Variants in VGLL4 observed in about 807,000 individuals in gnomAD.
The protein encoded by VGLL4 is transcription cofactor vestigial-like protein 4.
Under a neutral mutation model 21.0 loss-of-function variants are expected in VGLL4, and 7 were observed. The observed-to-expected ratio is 0.33, with a 90% CI of 0.19 to 0.63. VGLL4 has a LOEUF of 0.63. Among genes scored for constraint, VGLL4 ranks in the 20% least tolerant of loss-of-function variants. The probability of loss-of-function intolerance (pLI) is 0.78; values close to 1 mark genes in which losing one functional copy is unlikely to be tolerated. For missense variants in VGLL4, 394 were observed against 425.7 expected (o/e 0.93, Z 0.66); for synonymous variants, 222 against 173.2 (o/e 1.28, Z -2.21).
At chr3:11,610,604 C>G (rs564002520) in intron 1 of VGLL4, 2 of 152,386 alleles carry the variant, frequency 1.3e-5, no homozygotes, top group African/African-American at 4.8e-5. Flanking sequence ...GGGTCCACAC[C>G]CTGGACTGGG....
chr3:11,621,010 T>C (rs1188204235), intron 1 of VGLL4, among the ~76,000 whole-genome samples: 1 of 152,228 alleles, frequency 6.6e-6, no homozygotes, highest in African/African-American at 2.4e-5. Flanking sequence ...AGGTGTTCTC[T>C]GAATGACCGA....
chr3:11,634,251 T>C (rs2075542577), intron 1 of VGLL4, among the ~76,000 whole-genome samples: 1 of 152,196 alleles, frequency 6.6e-6, no homozygotes, highest in Non-Finnish European at 1.5e-5. Context: ...TTCCTGTCTC[T>C]GCAGATGGCA....
chr3:11,577,382 A>G (rs917383423), intron 2 of VGLL4, among the ~76,000 whole-genome samples: 3 of 152,178 alleles, frequency 2.0e-5, no homozygotes, highest in Non-Finnish European at 4.4e-5. Flanking sequence ...AGATCACTTG[A>G]GGCCAGGAGT....
intron 2 of VGLL4, among the ~76,000 whole-genome samples, chr3:11,688,337 C>G (rs2125389291): frequency 6.6e-6 from 1 of 152,218 alleles, no homozygotes; most frequent in Non-Finnish European, 1.5e-5. Context: ...AGTCTTATAA[C>G]ATAGGGAAAT....
chr3:11,597,738 T>TCTCCTGGA, intron 2 of VGLL4, among the ~76,000 whole-genome samples: 2 of 152,250 alleles, frequency 1.3e-5, no homozygotes, highest in Middle Eastern at 6.8e-3. Flanking sequence ...ATTTGCCCCA[T>TCTCCTGGA]CTCCTGGACT....
intron 2 of VGLL4, among the ~76,000 whole-genome samples, chr3:11,677,955 G>A (rs1257677496): frequency 6.6e-6 from 1 of 150,604 alleles, no homozygotes; most frequent in Non-Finnish European, 1.5e-5. Context: ...TTAATGTGTA[G>A]CCATATTGCT....
chr3:11,659,313 T>A (rs1417176470), intron 2 of VGLL4, among the ~76,000 whole-genome samples: 1 of 132,572 alleles, frequency 7.5e-6, no homozygotes, highest in Non-Finnish European at 1.6e-5. Context: ...TGTTTTCTTT[T>A]CTTTTTCTTT....
chr3:11,720,846 G>C (rs969680138), upstream of VGLL4: 1 of 152,212 alleles, frequency 6.6e-6, no homozygotes, highest in African/African-American at 2.4e-5. Context: ...AAAAGAAAAG[G>C]CCTGTCTTTA....
chr3:11,639,800 C>T (rs970124756), intron 1 of VGLL4, among the ~76,000 whole-genome samples: 2 of 151,958 alleles, frequency 1.3e-5, no homozygotes, highest in African/African-American at 4.8e-5. Flanking sequence ...CACTTGAACC[C>T]GGGAGGCAGA....
intron 1 of VGLL4, among the ~76,000 whole-genome samples, chr3:11,619,598 G>A (rs1187949883): frequency 6.6e-6 from 1 of 152,170 alleles, no homozygotes; most frequent in African/African-American, 2.4e-5. Context: ...TGACGCGGAA[G>A]GGCGGTCAAA....
rs551535307 is a variant in VGLL4, at chr3:11,699,022, A to G, written c.64+3949T>C. On this transcript the variant is annotated intron_variant, in intron 2 of 5. Coordinates refer to the VGLL4 transcript ENST00000273038. ...GTAGTAGAACATTTTTCTGTTTGTAATAAGAGGCCCAAATCAGATTACATT... is the reference window on the plus strand; with the variant it reads ...GTAGTAGAACATTTTTCTGTTTGTAGTAAGAGGCCCAAATCAGATTACATT... Among the ~76,000 whole-genome samples the G allele has an allele frequency of 1.7e-4, 26 of 152,340 alleles. No homozygotes were observed. In the South Asian group the frequency reaches 5.4e-3, roughly 32 times the overall value.
chr3:11,624,935 G>A (rs920726124), intron 1 of VGLL4, among the ~76,000 whole-genome samples: 5 of 152,158 alleles, frequency 3.3e-5, no homozygotes, highest in East Asian at 1.9e-4. Flanking sequence ...AGAGGCCGCC[G>A]CAGGTAAACA....
chr3:11,626,436 C>T (rs181215278), intron 1 of VGLL4: 3 of 456,346 alleles, frequency 6.6e-6, no homozygotes, highest in Non-Finnish European at 1.3e-5. Context: ...AAAGATAAGC[C>T]CTGGATGGGC....
At chr3:11,641,985 G>A (rs2075697195) in intron 1 of VGLL4, among the ~76,000 whole-genome samples, 1 of 150,510 alleles carries the variant, frequency 6.6e-6, no homozygotes, top group Non-Finnish European at 1.5e-5. Flanking sequence ...AATTGCCTCA[G>A]AAGTTTTTCT....
intron 2 of VGLL4, among the ~76,000 whole-genome samples, chr3:11,691,983 G>GAAAAAAA (rs36035876): frequency 2.8e-5 from 3 of 105,672 alleles, no homozygotes; most frequent in Admixed American, 9.7e-5. Flanking sequence ...TGCACCAAAT[G>GAAAAAAA]AAAAAAAAAA....
chr3:11,603,893 C>G (rs1242937336), intron 1 of VGLL4, among the ~76,000 whole-genome samples: 1 of 152,216 alleles, frequency 6.6e-6, no homozygotes, highest in African/African-American at 2.4e-5. Context: ...CACTGTGACG[C>G]GGAAAGCAAA....
At position 11,568,928 on chromosome 3, in the gene VGLL4, A is replaced by T; in HGVS notation, c.273-3909T>A. 8.0e-7 allele frequency: 1 copy of T among 1,247,716 alleles called. No individual in the cohort carries two copies. Among genetic ancestry groups the T allele is most frequent in the East Asian group, 4.1e-5 (1 of 24,492 alleles). The allele number at this position is 1,247,716 out of a possible 1,614,324, so 77.3% of individuals were successfully genotyped here. ...ATCCCCATCCTAGGCGGGCACTTCC[A>T]CTGCCAGCTGCCCACGGAGAGAAAG... On this transcript the variant is annotated intron_variant, in intron 2 of 4. Coordinates refer to ENST00000430365, the MANE Select transcript of VGLL4 (RefSeq NM_001128219.3). The surrounding 1 kb of genome is among the most constrained non-coding windows in gnomAD (Gnocchi z 5.9).
At chr3:11,631,197 T>C (rs1215436104) in intron 1 of VGLL4, among the ~76,000 whole-genome samples, 1 of 152,188 alleles carries the variant, frequency 6.6e-6, no homozygotes, top group Non-Finnish European at 1.5e-5. Context: ...TGGTTCTCTT[T>C]GGGGGATGTG....
At chr3:11,597,528 A>G (rs533928474) in intron 2 of VGLL4, among the ~76,000 whole-genome samples, 1 of 152,336 alleles carries the variant, frequency 6.6e-6, no homozygotes, top group East Asian at 1.9e-4. Flanking sequence ...GTCTTTAAGA[A>G]AAGACCTTCA....
Sources: allele counts gnomAD v4.1 joint callset (sites outside exome capture counted in the v4.1 genomes callset), GRCh38; gene constraint gnomAD v4.1.1; non-coding constraint Gnocchi (gnomAD v3.1); transcripts MANE v1.5; gene names NCBI Gene and HGNC (gene_info 2026-07-23, HGNC 2026-07-21).